The following GRM5 variants were observed in gnomAD, a reference collection of about 807,000 sequenced individuals.
GRM5 encodes glutamate metabotropic receptor 5.
GRM5 carries 19 observed loss-of-function variants against 83.1 expected under a neutral mutation model. The ratio of observed to expected loss-of-function variants is 0.23; its 90% CI spans 0.16 to 0.34. The LOEUF (loss-of-function observed/expected upper bound fraction) is 0.34, where lower values mean the gene tolerates loss of function less well. GRM5 is among the 10% of genes least tolerant of loss of function. The pLI, the probability that GRM5 is intolerant of heterozygous loss-of-function variation, is 1.00. For synonymous variants in GRM5, 675 were observed against 633.6 expected (o/e 1.07, Z -0.98); for missense variants, 1,160 against 1,588.3 (o/e 0.73, Z 4.58).
intron 3 of GRM5, among the ~76,000 whole-genome samples, chr11:88,790,062 C>G (rs1430591734): frequency 1.3e-5 from 2 of 152,086 alleles, no homozygotes; most frequent in Non-Finnish European, 2.9e-5. Flanking sequence ...TGGGATTTTG[C>G]CATGTTGGCC....
At chr11:88,856,186 T>A (rs1009086199) in intron 2 of GRM5, among the ~76,000 whole-genome samples, 1 of 152,110 alleles carries the variant, frequency 6.6e-6, no homozygotes, top group African/African-American at 2.4e-5. Flanking sequence ...ACTACTAATA[T>A]CCTGTTGCTA....
At chr11:88,794,480 T>G (rs1010226444) in intron 3 of GRM5, among the ~76,000 whole-genome samples, 5 of 152,140 alleles carry the variant, frequency 3.3e-5, no homozygotes, top group Admixed American at 6.6e-5. Context: ...ATAAATTATG[T>G]GTTTTTATTT....
rs184461741 is a variant in GRM5 at position 89,014,728 on chromosome 11, C to G, written c.661+32484G>C. Among the ~76,000 whole-genome samples the G allele has an allele frequency of 4.6e-4, 70 of 152,186 alleles. 1 individual carries two copies. Among genetic ancestry groups the G allele is most frequent in the Admixed American group, 3.0e-3 (46 of 15,282 alleles). On this transcript the variant is annotated intron_variant, in intron 2 of 9. Coordinates refer to ENST00000305447, the MANE Select transcript of GRM5 (RefSeq NM_001143831.3). Reference sequence around the variant, plus strand: ...ATAAATGTTTGATGGAATGGATACCCCATTTTCCAGGATGTGCTTATTTTA... The same window carrying G: ...ATAAATGTTTGATGGAATGGATACCGCATTTTCCAGGATGTGCTTATTTTA...
At chr11:88,965,458 T>C (rs1211247545) in intron 2 of GRM5, among the ~76,000 whole-genome samples, 3 of 152,096 alleles carry the variant, frequency 2.0e-5, no homozygotes, top group East Asian at 1.9e-4. Flanking sequence ...TACCATTACA[T>C]TGAGATTAGG....
At chr11:88,819,978 C>G (rs938424590) in intron 3 of GRM5, among the ~76,000 whole-genome samples, 1 of 152,126 alleles carries the variant, frequency 6.6e-6, no homozygotes, top group Non-Finnish European at 1.5e-5. Context: ...TTCATGAGCT[C>G]AAAGCCCTTA....
Position 88,828,738 on chromosome 11 carries a change from T to C in GRM5, c.911+21168A>G, listed in dbSNP as rs1943935946. Among the ~76,000 whole-genome samples, 3 of 152,162 alleles carry C rather than the reference T, an allele frequency of 2.0e-5. No individual in the cohort carries two copies. In the South Asian group the frequency reaches 6.2e-4, roughly 32 times the overall value. ...TGTTAATAAAATTATTGTGCATGTTTAAAATCCAAAACTTCTGGAGAAAAC... is the reference window on the plus strand; with the variant it reads ...TGTTAATAAAATTATTGTGCATGTTCAAAATCCAAAACTTCTGGAGAAAAC... On this transcript the variant is annotated intron_variant, in intron 3 of 9. Transcript: ENST00000305447.
At chr11:88,753,803 C>A (rs1397755141) in intron 3 of GRM5, among the ~76,000 whole-genome samples, 6 of 152,222 alleles carry the variant, frequency 3.9e-5, no homozygotes, top group Middle Eastern at 3.4e-3. Context: ...TTACTGGCCT[C>A]ACATTTCCAC....
chr11:88,593,579 G>A (rs940992061), intron 6 of GRM5, among the ~76,000 whole-genome samples: 1 of 151,230 alleles, frequency 6.6e-6, no homozygotes, highest in African/African-American at 2.4e-5. Context: ...TCTGGAGGCC[G>A]AGACAGGAGA....
chr11:88,597,073 G>A, intron 6 of GRM5, 111 bp downstream of exon 6: 1 of 624,072 alleles, frequency 1.6e-6, no homozygotes, highest in Non-Finnish European at 2.7e-6. Flanking sequence ...GACATTAGAA[G>A]CTTACAATAT....
chr11:88,955,010 AATG>A (rs1425412715), intron 2 of GRM5, among the ~76,000 whole-genome samples: 1 of 152,222 alleles, frequency 6.6e-6, no homozygotes, highest in Non-Finnish European at 1.5e-5. Flanking sequence ...GTTCCTGAAA[AATG>A]ATATGGACAA....
chr11:89,001,915 A>T (rs1940394713), intron 2 of GRM5, among the ~76,000 whole-genome samples: 2 of 152,188 alleles, frequency 1.3e-5, no homozygotes, highest in Non-Finnish European at 1.5e-5. Flanking sequence ...TAAAACAAAA[A>T]TACTAAATCT....
intron 3 of GRM5, among the ~76,000 whole-genome samples, chr11:88,827,766 A>T (rs1943917889): frequency 6.6e-6 from 1 of 152,192 alleles, no homozygotes; most frequent in South Asian, 2.1e-4. Flanking sequence ...CTTTATAGTG[A>T]CATAGGATAG....
intron 2 of GRM5, among the ~76,000 whole-genome samples, chr11:89,000,684 G>GA (rs1227091254): frequency 1.3e-5 from 2 of 151,732 alleles, no homozygotes; most frequent in African/African-American, 4.8e-5. Context: ...TTAATAAAAG[G>GA]AAAAAAATTG....
At chr11:88,738,658 C>T (rs1266262287) in intron 3 of GRM5, among the ~76,000 whole-genome samples, 5 of 152,092 alleles carry the variant, frequency 3.3e-5, no homozygotes, top group Non-Finnish European at 1.5e-5. Flanking sequence ...CCTGATCCTT[C>T]CTTCCACCTC....
intron 2 of GRM5, among the ~76,000 whole-genome samples, chr11:88,934,854 T>TTAAG (rs1198854703): frequency 2.0e-5 from 3 of 151,844 alleles, no homozygotes; most frequent in African/African-American, 7.2e-5. Flanking sequence ...GAGTTGAAAG[T>TTAAG]TAAGTCTGAA....
intron 2 of GRM5, among the ~76,000 whole-genome samples, chr11:88,977,476 G>T (rs879460574): frequency 5.9e-5 from 9 of 152,152 alleles, no homozygotes; most frequent in Non-Finnish European, 7.3e-5. Context: ...CTCCCAAAGT[G>T]CTGGGATTAC....
intron 1 of GRM5, among the ~76,000 whole-genome samples, chr11:89,064,030 T>C (rs929100815): frequency 6.6e-6 from 1 of 152,188 alleles, no homozygotes; most frequent in Non-Finnish European, 1.5e-5. Flanking sequence ...GTCAAGGACA[T>C]GGTAGGTCCC....
intron 2 of GRM5, among the ~76,000 whole-genome samples, chr11:88,915,927 GT>G (rs1340116505): frequency 6.6e-6 from 1 of 152,082 alleles, no homozygotes; most frequent in Non-Finnish European, 1.5e-5. Context: ...AGAAAATGAA[GT>G]TTTTACTTAA....
At chr11:88,903,816 T>C (rs533446158) in intron 2 of GRM5, among the ~76,000 whole-genome samples, 25 of 152,306 alleles carry the variant, frequency 1.6e-4, no homozygotes, top group Admixed American at 1.4e-3. Flanking sequence ...ATTTGGGTGA[T>C]GAACACCCTA....
Sources: allele counts gnomAD v4.1 joint callset (sites outside exome capture counted in the v4.1 genomes callset), GRCh38; gene constraint gnomAD v4.1.1; transcripts MANE v1.5; gene names NCBI Gene and HGNC (gene_info 2026-07-23, HGNC 2026-07-21).